Variants in USP15 observed in about 807,000 individuals in gnomAD.
USP15 encodes ubiquitin specific peptidase 15.
A neutral mutation model predicts 127.1 loss-of-function variants in USP15; 18 were observed. The observed-to-expected ratio is 0.14, with a 90% CI of 0.10 to 0.21. The LOEUF (loss-of-function observed/expected upper bound fraction) is 0.21. Ranked by LOEUF, USP15 falls within the 10% of genes least tolerant of loss-of-function variation. The pLI is 1.00. For missense variants in USP15, 805 were observed against 1,159.9 expected (o/e 0.69, Z 4.44); for synonymous variants, 364 against 393.7 (o/e 0.92, Z 0.89).
intron 1 of USP15, among the ~76,000 whole-genome samples, chr12:62,274,531 G>C (rs958654001): frequency 6.6e-6 from 1 of 151,914 alleles, no homozygotes; most frequent in Admixed American, 6.6e-5. Flanking sequence ...TGTCGTCCCA[G>C]CTACTTGGAA....
chr12:62,308,698 C>T (rs138360898), intron 3 of USP15, among the ~76,000 whole-genome samples: 27 of 152,196 alleles, frequency 1.8e-4, no homozygotes, highest in Admixed American at 3.9e-4. Flanking sequence ...GCAGAATACA[C>T]ATTTCTATTA....
intron 20 of USP15, among the ~76,000 whole-genome samples, chr12:62,399,326 C>T (rs1171756005): frequency 1.3e-5 from 2 of 152,136 alleles, no homozygotes; most frequent in Non-Finnish European, 2.9e-5. Flanking sequence ...AGCTGTTCAT[C>T]CCATGGCTAT....
chr12:62,262,606 AAAT>A (rs1400473890), intron 1 of USP15, among the ~76,000 whole-genome samples: 1 of 144,650 alleles, frequency 6.9e-6, no homozygotes, highest in African/African-American at 2.7e-5. Flanking sequence ...TGGTATTTTC[AAAT>A]AAGTATATTT....
At position 62,372,795 on chromosome 12, in the gene USP15, C is replaced by T. The variant is rs373531016; in HGVS notation, c.916-8695C>T. ...GAATTATTAATGGGATAGGAAATAA[C>T]GTAATTTAACATTAAAATTGAATTC... On this transcript the variant is annotated intron_variant, in intron 8 of 21. Transcript: ENST00000280377. Among the ~76,000 whole-genome samples, 91 of 152,080 alleles carry T rather than the reference C, an allele frequency of 6.0e-4. 1 individual carries two copies. Among genetic ancestry groups the T allele is most frequent in the African/African-American group, 2.0e-3 (83 of 41,544 alleles).
chr12:62,318,579 T>C (rs2064899536), intron 4 of USP15, among the ~76,000 whole-genome samples: 1 of 152,142 alleles, frequency 6.6e-6, no homozygotes, highest in Non-Finnish European at 1.5e-5. Context: ...CTTTCCTTGG[T>C]GATTTCTTTT....
intron 1 of USP15, among the ~76,000 whole-genome samples, chr12:62,278,010 A>G (rs895272016): frequency 2.6e-5 from 4 of 152,230 alleles, no homozygotes; most frequent in African/African-American, 9.6e-5. Context: ...GGTTTAAAAC[A>G]CCAATACATT....
chr12:62,366,168 C>A (rs1221818170), intron 8 of USP15, among the ~76,000 whole-genome samples: 1 of 152,178 alleles, frequency 6.6e-6, no homozygotes, highest in Non-Finnish European at 1.5e-5. Flanking sequence ...AGTATTGATT[C>A]TTCCTATCCA....
intron 6 of USP15, among the ~76,000 whole-genome samples, chr12:62,331,821 A>C (rs1253390089): frequency 6.6e-6 from 1 of 152,178 alleles, no homozygotes; most frequent in African/African-American, 2.4e-5. Flanking sequence ...ACCTAAAACA[A>C]CTCAAAGTCT....
intron 7 of USP15, among the ~76,000 whole-genome samples, chr12:62,351,179 C>G (rs1310234099): frequency 6.6e-6 from 1 of 151,594 alleles, no homozygotes; most frequent in Admixed American, 6.6e-5. Flanking sequence ...GATATGTGCA[C>G]TATGTGTAAT....
At chr12:62,349,871 C>CT (rs2065917004) in intron 7 of USP15, among the ~76,000 whole-genome samples, 1 of 151,750 alleles carries the variant, frequency 6.6e-6, no homozygotes, top group Admixed American at 6.6e-5. Flanking sequence ...CAGCTTCACT[C>CT]TGAGTGTATT....
intron 3 of USP15, among the ~76,000 whole-genome samples, chr12:62,305,166 T>C (rs1238556628): frequency 6.6e-6 from 1 of 152,052 alleles, no homozygotes; most frequent in Non-Finnish European, 1.5e-5. Context: ...ACGTAATAGC[T>C]GAGAATTTTC....
intron 1 of USP15, chr12:62,274,021 T>C (rs1215641919): frequency 6.6e-6 from 1 of 152,152 alleles, no homozygotes; most frequent in East Asian, 1.9e-4. Context: ...ATGATTTTAC[T>C]AGGCATCTGT....
intron 8 of USP15, among the ~76,000 whole-genome samples, chr12:62,362,240 TG>T (rs2066341441): frequency 6.6e-6 from 1 of 152,250 alleles, no homozygotes; most frequent in East Asian, 1.9e-4. Flanking sequence ...TTGTTTTTTG[TG>T]GTAAAATATA....
intron 8 of USP15, among the ~76,000 whole-genome samples, chr12:62,378,732 G>A (rs1361603857): frequency 6.6e-6 from 1 of 152,148 alleles, no homozygotes; most frequent in Non-Finnish European, 1.5e-5. Flanking sequence ...GTATGGTTTA[G>A]TATTAGGTAG....
chr12:62,317,161 A>G (rs1041368996), intron 4 of USP15, among the ~76,000 whole-genome samples: 1 of 152,156 alleles, frequency 6.6e-6, no homozygotes, highest in African/African-American at 2.4e-5. Context: ...AAAAATTTGA[A>G]AGTCTGTGGT....
chr12:62,344,883 G>A (rs2065765472), intron 6 of USP15, among the ~76,000 whole-genome samples: 1 of 152,324 alleles, frequency 6.6e-6, no homozygotes, highest in South Asian at 2.1e-4. Flanking sequence ...GGCCAGAGCA[G>A]CTGAAACACA....
rs772023774 is a variant in USP15, at chr12:62,372,372, C to A, written c.916-9118C>A. Among the ~76,000 whole-genome samples the A allele has an allele frequency of 1.8e-4, 27 of 152,090 alleles. No homozygotes were observed. The Middle Eastern group carries it at 0.017, about 96-fold the overall frequency. ...TATCAGTACCACCATGGAAATAGTT[C>A]CTTGAAAGATTTCAGTGAATGATAG... On this transcript the variant is annotated intron_variant, in intron 8 of 21. Transcript: ENST00000280377.
intron 1 of USP15, among the ~76,000 whole-genome samples, chr12:62,262,856 T>G (rs1446899531): frequency 6.6e-6 from 1 of 152,164 alleles, no homozygotes; most frequent in Non-Finnish European, 1.5e-5. Flanking sequence ...AAAAGTAAAC[T>G]GAGGGCCACA....
intron 3 of USP15, among the ~76,000 whole-genome samples, chr12:62,313,430 A>G (rs556822077): frequency 3.3e-5 from 5 of 151,670 alleles, no homozygotes; most frequent in Non-Finnish European, 7.4e-5. Context: ...CTTCCATAAA[A>G]ATGAGGCCTG....
Sources: allele counts gnomAD v4.1 joint callset (sites outside exome capture counted in the v4.1 genomes callset), GRCh38; gene constraint gnomAD v4.1.1; transcripts MANE v1.5; gene names NCBI Gene and HGNC (gene_info 2026-07-23, HGNC 2026-07-21).